Variants in UBL3 observed in about 807,000 individuals in gnomAD.
UBL3 encodes ubiquitin like 3.
A neutral mutation model predicts 18.4 loss-of-function variants in UBL3; 6 were observed. That is an observed-to-expected ratio of 0.33 (90% CI 0.18 to 0.64). The LOEUF is 0.64. UBL3 is among the 30% of genes least tolerant of loss of function. UBL3 has a pLI of 0.76. For synonymous variants in UBL3, 49 were observed against 46.6 expected (o/e 1.05, Z -0.21); for missense variants, 109 against 142.9 (o/e 0.76, Z 1.21).
At chr13:29,845,875 A>C (rs1479249309) in intron 1 of UBL3, among the ~76,000 whole-genome samples, 1 of 152,090 alleles carries the variant, frequency 6.6e-6, no homozygotes, top group African/African-American at 2.4e-5. Context: ...TCACACTGTC[A>C]ATTTCTCTCT....
chr13:29,777,607 C>A, intron 1 of UBL3: 1 of 253,096 alleles, frequency 4.0e-6, no homozygotes, highest in Non-Finnish European at 8.1e-6. Context: ...CATTTTTACC[C>A]AAAAATTAAT....
At chr13:29,835,165 T>A (rs1354938093) in intron 1 of UBL3, among the ~76,000 whole-genome samples, 1 of 49,848 alleles carries the variant, frequency 2.0e-5, no homozygotes, top group East Asian at 6.3e-4. Flanking sequence ...TATATATATA[T>A]ATATATATAT....
At chr13:29,827,048 G>C (rs1024204617) in intron 1 of UBL3, among the ~76,000 whole-genome samples, 1 of 152,186 alleles carries the variant, frequency 6.6e-6, no homozygotes, top group East Asian at 1.9e-4. Context: ...TGGTCTGAGA[G>C]ACAGTTTGTT....
intron 2 of UBL3, 41 bp downstream of exon 2, chr13:29,777,114 G>A (rs200250809): frequency 7.9e-7 from 1 of 1,266,562 alleles, no homozygotes; most frequent in Non-Finnish European, 1.1e-6. Flanking sequence ...TAGGGCATAA[G>A]AATCAACATT....
chr13:29,842,188 C>A (rs1879120918), intron 1 of UBL3, among the ~76,000 whole-genome samples: 1 of 145,030 alleles, frequency 6.9e-6, no homozygotes, highest in South Asian at 2.2e-4. Flanking sequence ...GTCGCCCAGG[C>A]TGGAGTGCAG....
chr13:29,849,490 T>C, intron 1 of UBL3, 22 bp downstream of exon 1: 1 of 1,614,094 alleles, frequency 6.2e-7, no homozygotes, highest in Non-Finnish European at 8.5e-7. Flanking sequence ...TAAATCAGTG[T>C]CATAACTTAT....
chr13:29,797,434 C>G (rs1349131762), intron 1 of UBL3, among the ~76,000 whole-genome samples: 1 of 152,112 alleles, frequency 6.6e-6, no homozygotes, highest in African/African-American at 2.4e-5. Flanking sequence ...TCCCCCTAAT[C>G]CTCTTTAAGG....
chr13:29,827,566 T>TATA (rs1372574540), intron 1 of UBL3, among the ~76,000 whole-genome samples: 1 of 152,244 alleles, frequency 6.6e-6, no homozygotes, highest in African/African-American at 2.4e-5. Context: ...TTTGAGCCTA[T>TATA]GTGTGTCTCT....
intron 1 of UBL3, among the ~76,000 whole-genome samples, chr13:29,835,154 ATATAT>A (rs1878922246): frequency 4.3e-5 from 2 of 46,830 alleles, no homozygotes; most frequent in African/African-American, 2.5e-4. Flanking sequence ...ATATATATAT[ATATAT>A]ATATATATAT....
intron 1 of UBL3, among the ~76,000 whole-genome samples, chr13:29,787,426 A>C (rs954609055): frequency 6.6e-5 from 10 of 152,194 alleles, no homozygotes; most frequent in Admixed American, 3.3e-4. Context: ...GGAAACTTTG[A>C]TAAAATTAAA....
chr13:29,812,793 C>G (rs1413098393), intron 1 of UBL3, among the ~76,000 whole-genome samples: 1 of 151,664 alleles, frequency 6.6e-6, no homozygotes, highest in Non-Finnish European at 1.5e-5. Flanking sequence ...TATAATGCAC[C>G]TTAGATTCTG....
At chr13:29,841,673 G>A (rs1297653794) in intron 1 of UBL3, among the ~76,000 whole-genome samples, 1 of 152,166 alleles carries the variant, frequency 6.6e-6, no homozygotes, top group Non-Finnish European at 1.5e-5. Flanking sequence ...GTGCCTGAGG[G>A]ATTCAGTAAT....
At chr13:29,820,335 C>T (rs769038852) in intron 1 of UBL3, among the ~76,000 whole-genome samples, 6 of 152,022 alleles carry the variant, frequency 3.9e-5, no homozygotes, top group Non-Finnish European at 7.4e-5. Context: ...TGCCATCATG[C>T]CCAGCTAATT....
rs182086564 is a variant in UBL3, at chr13:29,775,978, A to G, written c.136+1177T>C. Among the ~76,000 whole-genome samples the G allele has an allele frequency of 1.2e-3, 178 of 152,278 alleles. 1 individual carries two copies. Among genetic ancestry groups the G allele is most frequent in the Admixed American group, 7.9e-3 (121 of 15,296 alleles). On this transcript the variant is annotated intron_variant, in intron 2 of 4. Coordinates refer to ENST00000380680, the MANE Select transcript of UBL3 (RefSeq NM_007106.4). Reference sequence around the variant, plus strand: ...TAAGAAATACCAAACACATTTTCCAAGATTGTTATGGTTACTGGCTTGAAA... The same window carrying G: ...TAAGAAATACCAAACACATTTTCCAGGATTGTTATGGTTACTGGCTTGAAA...
At position 29,850,084 on chromosome 13, in the gene UBL3, G is replaced by C. The variant is rs1029128929; in HGVS notation, c.-546C>G. On this transcript the variant is annotated 5_prime_UTR_variant, in exon 1 of 5. Transcript: ENST00000380680. ...CCGCGGACCCTGCAGAGCCGCTGTC[G>C]GAGCGCCCGCGCGGACAGCGCGGGG... is the stretch of plus-strand genomic sequence containing the variant. 6.6e-6 allele frequency: 1 copy of C among 152,396 alleles called. No homozygotes were observed. Among genetic ancestry groups the C allele is most frequent in the Non-Finnish European group, 1.5e-5 (1 of 68,138 alleles). 9.4% of individuals were successfully genotyped at this position (152,396 alleles called of 1,614,324 possible).
intron 1 of UBL3, among the ~76,000 whole-genome samples, chr13:29,819,392 G>C (rs572693852): frequency 1.3e-5 from 2 of 152,224 alleles, no homozygotes; most frequent in South Asian, 4.2e-4. Flanking sequence ...GAAATCCTGG[G>C]ATAAAGAAAG....
intron 1 of UBL3, among the ~76,000 whole-genome samples, chr13:29,785,391 C>T (rs867445637): frequency 1.3e-5 from 2 of 151,920 alleles, no homozygotes; most frequent in African/African-American, 4.8e-5. Context: ...GTGTTTATGT[C>T]GGTCTCTGGT....
At chr13:29,833,532 A>G (rs1878839331) in intron 1 of UBL3, among the ~76,000 whole-genome samples, 1 of 152,212 alleles carries the variant, frequency 6.6e-6, no homozygotes, top group Non-Finnish European at 1.5e-5. Flanking sequence ...AAAGACTCCA[A>G]TGAGGCAATA....
intron 1 of UBL3, among the ~76,000 whole-genome samples, chr13:29,830,798 A>C (rs1380621076): frequency 6.6e-6 from 1 of 152,238 alleles, no homozygotes; most frequent in Admixed American, 6.5e-5. Context: ...ACTTTCAAAA[A>C]AATGCACATA....
Sources: gnomAD v4.1 joint callset for allele counts (sites outside exome capture counted in the v4.1 genomes callset) on GRCh38, gnomAD v4.1.1 for gene constraint, MANE v1.5 for transcripts, NCBI Gene and HGNC (gene_info 2026-07-23, HGNC 2026-07-21) for gene names.